Variants in HTT-AS observed in about 807,000 individuals in gnomAD.
HTT-AS encodes the protein HTT antisense RNA.
At chr4:3,057,039 T>G (rs1430839583) in intron 2 of HTT-AS, among the ~76,000 whole-genome samples, 2 of 119,380 alleles carry the variant, frequency 1.7e-5, no homozygotes, top group Non-Finnish European at 3.8e-5. Flanking sequence ...CTTTTTCTTT[T>G]TCTTTTTTTT....
At chr4:3,058,092 C>T (rs896435112) in intron 2 of HTT-AS, among the ~76,000 whole-genome samples, 10 of 151,640 alleles carry the variant, frequency 6.6e-5, no homozygotes, top group Non-Finnish European at 1.2e-4. Flanking sequence ...TTTGGGAGGC[C>T]AAGGCGGGCA....
chr4:3,056,116 TA>T (rs754266089), intron 2 of HTT-AS, among the ~76,000 whole-genome samples: 1 of 152,206 alleles, frequency 6.6e-6, no homozygotes, highest in Non-Finnish European at 1.5e-5. Context: ...GCAGGTACCT[TA>T]CTTGTTCACT....
At chr4:3,059,326 C>T (rs1711879919) in intron 2 of HTT-AS, among the ~76,000 whole-genome samples, 1 of 152,162 alleles carries the variant, frequency 6.6e-6, no homozygotes, top group Non-Finnish European at 1.5e-5. Context: ...TTTGCTTTGA[C>T]CACACAGCAT....
chr4:3,048,890 G>A (rs969485544), downstream of HTT-AS, among the ~76,000 whole-genome samples: 7 of 152,182 alleles, frequency 4.6e-5, no homozygotes, highest in Non-Finnish European at 1.0e-4. Flanking sequence ...CATAGTGTGG[G>A]TTAAGAGGAG....
chr4:3,056,311 CA>C (rs1711804047), intron 2 of HTT-AS, among the ~76,000 whole-genome samples: 1 of 152,202 alleles, frequency 6.6e-6, no homozygotes, highest in South Asian at 2.1e-4. Context: ...ATGGTCAGAA[CA>C]AATTTACAGA....
intron 1 of HTT-AS, among the ~76,000 whole-genome samples, chr4:3,067,922 C>A (rs1292849520): frequency 6.6e-6 from 1 of 152,146 alleles, no homozygotes; most frequent in Non-Finnish European, 1.5e-5. Flanking sequence ...CAGAGAAAAT[C>A]TTAAAAGCAG....
At chr4:3,063,918 C>T (rs1473553825) in intron 1 of HTT-AS, among the ~76,000 whole-genome samples, 1 of 151,814 alleles carries the variant, frequency 6.6e-6, no homozygotes, top group African/African-American at 2.4e-5. Flanking sequence ...TGGTCTGCAC[C>T]CAGTTCCTGC....
At chr4:3,064,555 T>C (rs898727964) in intron 1 of HTT-AS, among the ~76,000 whole-genome samples, 14 of 152,108 alleles carry the variant, frequency 9.2e-5, no homozygotes, top group Admixed American at 7.9e-4. Flanking sequence ...AACATAAACA[T>C]AAAACTTGGA....
chr4:3,046,352 C>T (rs1711585981), downstream of HTT-AS, among the ~76,000 whole-genome samples: 1 of 152,204 alleles, frequency 6.6e-6, no homozygotes, highest in Admixed American at 6.5e-5. Flanking sequence ...ACAGTTTGAA[C>T]TCTCAGCAGT....
At chr4:3,072,237 C>T (rs78912730) in intron 1 of HTT-AS, among the ~76,000 whole-genome samples, 1,987 of 152,352 alleles carry the variant, frequency 0.013, 22 homozygotes, top group Non-Finnish European at 0.02. Flanking sequence ...GGATCCAGTT[C>T]CTCATGGCCT....
intron 2 of HTT-AS, among the ~76,000 whole-genome samples, chr4:3,055,178 G>C (rs1440904810): frequency 6.6e-6 from 1 of 151,774 alleles, no homozygotes; most frequent in Non-Finnish European, 1.5e-5. Flanking sequence ...GGCGCCTGTA[G>C]TCCCAGCTAC....
chr4:3,069,166 G>A (rs1167049698), intron 1 of HTT-AS, among the ~76,000 whole-genome samples: 2 of 148,346 alleles, frequency 1.3e-5, no homozygotes, highest in Non-Finnish European at 3.0e-5. Context: ...TTTTTTTTGA[G>A]ATGGAGTCTC....
intron 2 of HTT-AS, among the ~76,000 whole-genome samples, chr4:3,057,329 C>G (rs1178836059): frequency 6.6e-6 from 1 of 151,624 alleles, no homozygotes; most frequent in African/African-American, 2.4e-5. Flanking sequence ...CACTGCACCC[C>G]ACCCTGTGAC....
At chr4:3,057,243 C>G (rs987914948) in intron 2 of HTT-AS, among the ~76,000 whole-genome samples, 29 of 152,226 alleles carry the variant, frequency 1.9e-4, no homozygotes, top group African/African-American at 6.7e-4. Flanking sequence ...CCGTGTTGGC[C>G]AGGATGGTCT....
At chr4:3,067,819 A>C (rs1357842694) in intron 1 of HTT-AS, among the ~76,000 whole-genome samples, 1 of 152,198 alleles carries the variant, frequency 6.6e-6, no homozygotes, top group Admixed American at 6.5e-5. Context: ...CTAGGTTACC[A>C]AAGGGGACCT....
intron 2 of HTT-AS, among the ~76,000 whole-genome samples, chr4:3,055,086 C>A (rs574331040): frequency 6.6e-6 from 1 of 152,026 alleles, no homozygotes; most frequent in Admixed American, 6.6e-5. Context: ...TGGTGGCTCA[C>A]ACCTGTAATC....
rs562233585 is a variant in HTT-AS, at chr4:3,074,390, C to G, written n.113+36G>C. On this transcript the variant is annotated intron_variant and non_coding_transcript_variant, in intron 1 of 2. Transcript: ENST00000664062. ...CCCGCCCCGTCCCTTCCTCGTCCCGCCTCGCCGCGACACTTCACACACAGC... is the reference window on the plus strand; with the variant it reads ...CCCGCCCCGTCCCTTCCTCGTCCCGGCTCGCCGCGACACTTCACACACAGC... 6.3e-4 allele frequency: 98 copies of G among 154,672 alleles called. No homozygotes were observed. In the South Asian group the frequency reaches 0.018, roughly 28 times the overall value. The allele number at this position is 154,672 out of a possible 1,614,324, so 9.6% of individuals were successfully genotyped here.
exon 1 of HTT-AS, chr4:3,074,473 G>A: frequency 4.5e-6 from 1 of 224,282 alleles, no homozygotes; most frequent in Non-Finnish European, 8.5e-6. Flanking sequence ...TGAGCCCCGC[G>A]CCTTCGCCCG....
chr4:3,064,157 G>A (rs1711997410), intron 1 of HTT-AS, among the ~76,000 whole-genome samples: 1 of 150,534 alleles, frequency 6.6e-6, no homozygotes, highest in African/African-American at 2.5e-5. Context: ...GTGCAATGGT[G>A]CAATCTCAGC....
Sources: allele counts gnomAD v4.1 joint callset (sites outside exome capture counted in the v4.1 genomes callset), GRCh38; gene constraint gnomAD v4.1.1; transcripts MANE v1.5; gene names NCBI Gene and HGNC (gene_info 2026-07-23, HGNC 2026-07-21).